CDR2: variants seen among roughly 807,000 people sequenced by gnomAD.
The protein encoded by CDR2 is cerebellar degeneration related protein 2.
In CDR2, 34 loss-of-function variants were observed where a neutral mutation model predicts 48.4. That is an observed-to-expected ratio of 0.70 (90% CI 0.53 to 0.94). CDR2 has a LOEUF of 0.94. Ranked by LOEUF, CDR2 falls within the 40% of genes least tolerant of loss-of-function variation. The probability of loss-of-function intolerance (pLI) is 0.00; values close to 1 mark genes in which losing one functional copy is unlikely to be tolerated. For synonymous variants in CDR2, 240 were observed against 219.7 expected (o/e 1.09, Z -0.82); for missense variants, 498 against 549.5 (o/e 0.91, Z 0.94).
At chr16:22,359,672 C>A (rs1368608869) in intron 2 of CDR2, among the ~76,000 whole-genome samples, 2 of 152,144 alleles carry the variant, frequency 1.3e-5, no homozygotes, top group African/African-American at 4.8e-5. Context: ...TGTCTAAATT[C>A]TCTAGCTATT....
intron 2 of CDR2, among the ~76,000 whole-genome samples, chr16:22,353,773 C>T (rs1213072290): frequency 6.6e-6 from 1 of 152,132 alleles, no homozygotes; most frequent in Admixed American, 6.5e-5. Context: ...AATTCAAAGC[C>T]ACCTCTGAGA....
chr16:22,354,677 C>T (rs1273250500), intron 2 of CDR2, among the ~76,000 whole-genome samples: 1 of 150,030 alleles, frequency 6.7e-6, no homozygotes, highest in Non-Finnish European at 1.5e-5. Context: ...CACTTGAGGA[C>T]AGGAGTTCGA....
rs538289419 is a variant in CDR2, at chr16:22,359,005, G to A, written c.192+5897C>T. ...GAAATGATAAATGTTGGAGGTCATG[G>A]TTATCTCAGTTTAGATTTCATCATT... On this transcript the variant is annotated intron_variant, in intron 2 of 4. Coordinates refer to ENST00000268383, the MANE Select transcript of CDR2 (RefSeq NM_001802.2). 1.0e-3 allele frequency among the ~76,000 whole-genome samples: 152 copies of A among 152,206 alleles called. No individual in the cohort carries two copies. In the Middle Eastern group the frequency reaches 0.014, roughly 14 times the overall value.
At chr16:22,367,071 T>TG (rs1472345958) in intron 1 of CDR2, 1 of 152,294 alleles carries the variant, frequency 6.6e-6, no homozygotes, top group African/African-American at 2.4e-5. Context: ...GTTGCCATGC[T>TG]GGAGTGCAGT....
At chr16:22,372,771 T>C (rs535833068) in intron 1 of CDR2, among the ~76,000 whole-genome samples, 2 of 152,210 alleles carry the variant, frequency 1.3e-5, no homozygotes, top group Non-Finnish European at 2.9e-5. Context: ...TGAATTACTT[T>C]GGTTAAAGTG....
At chr16:22,365,077 C>T in intron 1 of CDR2, 63 bp from the exon 2 acceptor site, 2 of 1,074,984 alleles carry the variant, frequency 1.9e-6, no homozygotes, top group Admixed American at 1.8e-5. Flanking sequence ...TTATATAACC[C>T]AGTCCTTCAA....
intron 1 of CDR2, among the ~76,000 whole-genome samples, chr16:22,368,460 G>A (rs758346788): frequency 7.9e-5 from 12 of 152,172 alleles, no homozygotes; most frequent in Admixed American, 1.3e-4. Flanking sequence ...TCCGCCCACC[G>A]CGGCCTCCCC....
At chr16:22,361,292 T>C (rs1023344079) in intron 2 of CDR2, among the ~76,000 whole-genome samples, 2 of 152,208 alleles carry the variant, frequency 1.3e-5, no homozygotes, top group African/African-American at 2.4e-5. Context: ...TTTTCTGTAA[T>C]GTAGATTTCA....
chr16:22,350,847 T>C (rs2048937105), intron 2 of CDR2, among the ~76,000 whole-genome samples: 1 of 152,148 alleles, frequency 6.6e-6, no homozygotes, highest in Admixed American at 6.5e-5. Flanking sequence ...AAAAACATCA[T>C]GTTTAACAGA....
chr16:22,349,959 C>T (rs1344600324), intron 2 of CDR2, 110 bp from the exon 3 acceptor site: 7 of 928,212 alleles, frequency 7.5e-6, no homozygotes, highest in Middle Eastern at 2.3e-4. Context: ...GAGGCCAAGA[C>T]GTGTGGATCA....
At chr16:22,360,200 C>G (rs1016199017) in intron 2 of CDR2, among the ~76,000 whole-genome samples, 3 of 152,084 alleles carry the variant, frequency 2.0e-5, no homozygotes, top group Non-Finnish European at 2.9e-5. Context: ...TCATTACTCT[C>G]CCAAGTAAGA....
intron 2 of CDR2, among the ~76,000 whole-genome samples, chr16:22,356,868 G>A (rs1421549766): frequency 2.0e-5 from 3 of 147,268 alleles, no homozygotes; most frequent in Non-Finnish European, 4.5e-5. Context: ...TTGAACCTGC[G>A]AGGCAGAAGT....
At chr16:22,358,223 T>C (rs930666153) in intron 2 of CDR2, among the ~76,000 whole-genome samples, 1 of 152,204 alleles carries the variant, frequency 6.6e-6, no homozygotes, top group African/African-American at 2.4e-5. Context: ...GCTGACATGC[T>C]GGTTTTCTCT....
intron 2 of CDR2, among the ~76,000 whole-genome samples, chr16:22,357,186 TTA>T (rs1262178234): frequency 1.3e-5 from 2 of 152,090 alleles, no homozygotes; most frequent in African/African-American, 4.8e-5. Context: ...GTAGCTGGGA[TTA>T]CAGGCTTGCA....
chr16:22,370,889 G>C (rs959470610), intron 1 of CDR2, among the ~76,000 whole-genome samples: 3 of 152,192 alleles, frequency 2.0e-5, no homozygotes, highest in African/African-American at 7.2e-5. Flanking sequence ...ACATTCTATA[G>C]TTGTAAGATA....
intron 1 of CDR2, among the ~76,000 whole-genome samples, chr16:22,369,209 G>T (rs867021664): frequency 6.6e-6 from 1 of 151,330 alleles, no homozygotes; most frequent in Non-Finnish European, 1.5e-5. Context: ...ACTTTGGGAC[G>T]CCAAGGCAGG....
In CDR2 at chr16:22,346,974, AGAG is replaced by A. The variant is rs779229801; in HGVS notation, c.1353_1355del (p.Ser452del). ...AGAGCTAGAGGTTCAATTAAGAATG[AGAG>A]GAGAGTGATCGGTATTTTGTTCTCT... On this transcript the variant is annotated inframe_deletion, in exon 5 of 5. Coordinates refer to ENST00000268383, the MANE Select transcript of CDR2 (RefSeq NM_001802.2). 1.2e-6 allele frequency: 2 copies of A among 1,608,426 alleles called. No homozygotes were observed. Among genetic ancestry groups the A allele is most frequent in the Non-Finnish European group, 1.7e-6 (2 of 1,175,312 alleles).
intron 2 of CDR2, among the ~76,000 whole-genome samples, chr16:22,357,329 A>C (rs745518313): frequency 6.6e-6 from 1 of 152,208 alleles, no homozygotes; most frequent in Non-Finnish European, 1.5e-5. Context: ...GATTACAGGC[A>C]TGAGCCACCG....
chr16:22,371,197 G>A (rs1458805423), intron 1 of CDR2, among the ~76,000 whole-genome samples: 9 of 150,398 alleles, frequency 6.0e-5, no homozygotes, highest in Non-Finnish European at 1.2e-4. Context: ...GGGACAGAGC[G>A]AGACTCCACC....
Sources: allele counts gnomAD v4.1 joint callset (sites outside exome capture counted in the v4.1 genomes callset), GRCh38; gene constraint gnomAD v4.1.1; transcripts MANE v1.5; gene names NCBI Gene and HGNC (gene_info 2026-07-23, HGNC 2026-07-21).